Variants in EEIG1 observed in about 807,000 individuals in gnomAD.
EEIG1 encodes early estrogen-induced gene 1 protein.
chr9:127,949,399 A>G, the EEIG1 span, among the ~76,000 whole-genome samples: 2 of 151,794 alleles, frequency 1.3e-5, no homozygotes. Flanking sequence ...CATCCTAGCT[A>G]GCCCAAGGCT....
the EEIG1 span, among the ~76,000 whole-genome samples, chr9:127,964,249 C>T: frequency 6.6e-6 from 1 of 152,342 alleles, no homozygotes; most frequent in East Asian, 1.9e-4. Context: ...GCACCTCTCT[C>T]CACTGCTCAA....
the EEIG1 span, among the ~76,000 whole-genome samples, chr9:127,965,789 A>G: frequency 6.6e-6 from 1 of 152,216 alleles, no homozygotes; most frequent in Non-Finnish European, 1.5e-5. Context: ...GCCTGGGAGG[A>G]GCCTGCCCTG....
At chr9:127,965,358 C>T in the EEIG1 span, among the ~76,000 whole-genome samples, 117,298 of 151,866 alleles carry the variant, frequency 0.77, 46,668 homozygotes, top group Non-Finnish European at 0.87. Context: ...TGGTTGAGAG[C>T]CACTGCTGCA....
chr9:127,950,494 A>G, the EEIG1 span: 1 of 1,613,992 alleles, frequency 6.2e-7, no homozygotes, highest in Admixed American at 1.7e-5. Flanking sequence ...CGCACCGTGG[A>G]GCCCGAGCCC....
At chr9:127,965,179 C>CA in the EEIG1 span, among the ~76,000 whole-genome samples, 1 of 141,110 alleles carries the variant, frequency 7.1e-6, no homozygotes, top group Non-Finnish European at 1.5e-5. Flanking sequence ...TGGCTCATGA[C>CA]AAACGAAGAT....
chr9:127,973,205 C>T, the EEIG1 span, among the ~76,000 whole-genome samples: 1 of 152,144 alleles, frequency 6.6e-6, no homozygotes, highest in Non-Finnish European at 1.5e-5. The surrounding 1 kb of genome is among the most constrained non-coding windows in gnomAD (Gnocchi z 4.2). Flanking sequence ...ATAGCAGTCA[C>T]CAGATGCCAG....
At chr9:127,980,138 G>A in the EEIG1 span, 1 of 1,611,856 alleles carries the variant, frequency 6.2e-7, no homozygotes, top group Non-Finnish European at 8.5e-7. Flanking sequence ...AGAAAGCCAT[G>A]AGCGAGTTCC....
At chr9:127,953,998 C>T in the EEIG1 span, 1 of 1,580,640 alleles carries the variant, frequency 6.3e-7, no homozygotes, top group Non-Finnish European at 8.6e-7. Flanking sequence ...GTACCAGGGA[C>T]ATGGCACTCC....
the EEIG1 span, chr9:127,980,102 G>A: frequency 6.2e-7 from 1 of 1,613,458 alleles, no homozygotes; most frequent in Non-Finnish European, 8.5e-7. Flanking sequence ...AAGTAGTTTG[G>A]AATTTGAATT....
At chr9:127,960,177 C>T in the EEIG1 span, among the ~76,000 whole-genome samples, 2 of 152,110 alleles carry the variant, frequency 1.3e-5, no homozygotes, top group East Asian at 1.9e-4. Context: ...CATCTGAGCA[C>T]GGCTTGGACT....
chr9:127,945,737 G>T, the EEIG1 span: 2 of 1,568,574 alleles, frequency 1.3e-6, no homozygotes, highest in Non-Finnish European at 1.7e-6. The surrounding 1 kb of genome is among the most constrained non-coding windows in gnomAD (Gnocchi z 6.5). Context: ...GGTTCTGGTC[G>T]GGTTCCTCTG....
At chr9:127,977,008 C>T in the EEIG1 span, among the ~76,000 whole-genome samples, 2 of 144,272 alleles carry the variant, frequency 1.4e-5, no homozygotes, top group African/African-American at 5.0e-5. Flanking sequence ...GGGTGGGGTA[C>T]GGGTGGAGGG....
At chr9:127,972,302 AC>A in the EEIG1 span, among the ~76,000 whole-genome samples, 1 of 151,378 alleles carries the variant, frequency 6.6e-6, no homozygotes, top group Admixed American at 6.6e-5. This position sits in a 1 kb window ranked among gnomAD's most constrained non-coding sequence, Gnocchi z 4.3. Context: ...CTCCTCACTC[AC>A]CCCCACCCTG....
the EEIG1 span, chr9:127,944,808 G>C: frequency 6.2e-7 from 1 of 1,611,878 alleles, no homozygotes; most frequent in African/African-American, 1.3e-5. Context: ...TGAAATCCTG[G>C]CTCTGCACGA....
At chr9:127,974,492 T>C in the EEIG1 span, among the ~76,000 whole-genome samples, 1 of 152,220 alleles carries the variant, frequency 6.6e-6, no homozygotes. Flanking sequence ...AATTCCCCTC[T>C]GCCTTCAAGG....
chr9:127,954,998 G>A, the EEIG1 span, among the ~76,000 whole-genome samples: 2 of 152,218 alleles, frequency 1.3e-5, no homozygotes, highest in Non-Finnish European at 2.9e-5. Flanking sequence ...GCACGTGGCA[G>A]AACCGAGCTC....
At chr9:127,979,923 A>G in the EEIG1 span, 9 of 1,532,726 alleles carry the variant, frequency 5.9e-6, no homozygotes, top group African/African-American at 1.3e-4. Flanking sequence ...GGGCCCTTCC[A>G]CACTTGCCAA....
At chr9:127,977,613 A>C in the EEIG1 span, among the ~76,000 whole-genome samples, 1 of 152,246 alleles carries the variant, frequency 6.6e-6, no homozygotes. Flanking sequence ...CTCTACCAAC[A>C]GAAGCGATAA....
chr9:127,949,327 A>G, the EEIG1 span, among the ~76,000 whole-genome samples: 1 of 151,424 alleles, frequency 6.6e-6, no homozygotes. Context: ...AAAAAAAAAA[A>G]AAAAAGAAAG....
Sources: gnomAD v4.1 joint callset for allele counts (sites outside exome capture counted in the v4.1 genomes callset) on GRCh38, gnomAD v4.1.1 for gene constraint, Gnocchi (gnomAD v3.1) non-coding constraint, MANE v1.5 for transcripts, NCBI Gene and HGNC (gene_info 2026-07-23, HGNC 2026-07-21) for gene names.